Variants in ZNF423 observed in about 807,000 individuals in gnomAD.
The protein encoded by ZNF423 is zinc finger protein 423.
In ZNF423, 12 loss-of-function variants were observed where a neutral mutation model predicts 95.8. That is an observed-to-expected ratio of 0.13 (90% CI 0.08 to 0.20). The LOEUF (loss-of-function observed/expected upper bound fraction) is 0.20. ZNF423 is among the 10% of genes least tolerant of loss of function. The pLI, the probability that ZNF423 is intolerant of heterozygous loss-of-function variation, is 1.00. For missense variants in ZNF423, 1,316 were observed against 1,737.1 expected (o/e 0.76, Z 4.31); for synonymous variants, 749 against 711.9 (o/e 1.05, Z -0.83).
At chr16:49,816,324 G>A (rs1293583622) in intron 1 of ZNF423, among the ~76,000 whole-genome samples, 1 of 152,088 alleles carries the variant, frequency 6.6e-6, no homozygotes, top group Non-Finnish European at 1.5e-5. Context: ...TTTCAAAGCA[G>A]GTCCTGAGTA....
At chr16:49,624,374 A>C (rs2151862263) in intron 5 of ZNF423, among the ~76,000 whole-genome samples, 1 of 152,264 alleles carries the variant, frequency 6.6e-6, no homozygotes, top group South Asian at 2.1e-4. Context: ...AACATAGTGA[A>C]ACCCTGTCTC....
intron 4 of ZNF423, among the ~76,000 whole-genome samples, chr16:49,633,840 C>A (rs1417924320): frequency 1.3e-5 from 2 of 152,140 alleles, no homozygotes; most frequent in African/African-American, 4.8e-5. Context: ...CCACTCCAGA[C>A]AGGACTTTGA....
intron 4 of ZNF423, among the ~76,000 whole-genome samples, chr16:49,631,632 G>A (rs1394947749): frequency 1.3e-5 from 2 of 152,206 alleles, no homozygotes; most frequent in African/African-American, 4.8e-5. Context: ...CCCCGGGCAG[G>A]AAGAAAACAC....
chr16:49,764,320 G>A (rs1318187041), intron 2 of ZNF423: 1 of 152,626 alleles, frequency 6.6e-6, no homozygotes, highest in Non-Finnish European at 1.5e-5. Flanking sequence ...GCAACCCAGT[G>A]TCCATCAACA....
chr16:49,813,343 C>T (rs2034784341), intron 1 of ZNF423, among the ~76,000 whole-genome samples: 1 of 152,114 alleles, frequency 6.6e-6, no homozygotes. Flanking sequence ...GACAGGCCAC[C>T]AGGAGAGCAG....
intron 3 of ZNF423, among the ~76,000 whole-genome samples, chr16:49,720,076 C>G (rs1302002699): frequency 1.3e-5 from 2 of 152,278 alleles, no homozygotes; most frequent in Middle Eastern, 3.4e-3. Context: ...CACCATTACC[C>G]CACCTTCCAC....
At chr16:49,851,958 A>G (rs542898460) in intron 1 of ZNF423, among the ~76,000 whole-genome samples, 1 of 152,294 alleles carries the variant, frequency 6.6e-6, no homozygotes, top group South Asian at 2.1e-4. Flanking sequence ...AAGACCCTAT[A>G]AAGGATTTGT....
chr16:49,670,799 G>T (rs888008933), intron 3 of ZNF423, among the ~76,000 whole-genome samples: 1 of 152,182 alleles, frequency 6.6e-6, no homozygotes, highest in African/African-American at 2.4e-5. Context: ...CAACCCAATC[G>T]CAAAGATAAA....
At chr16:49,502,105 G>A (rs375979510) in intron 7 of ZNF423, among the ~76,000 whole-genome samples, 5 of 151,874 alleles carry the variant, frequency 3.3e-5, no homozygotes, top group East Asian at 1.9e-4. Flanking sequence ...GCAAGCCCAC[G>A]AAAACATATC....
intron 2 of ZNF423, among the ~76,000 whole-genome samples, chr16:49,775,410 T>C (rs1307772576): frequency 2.0e-5 from 3 of 152,174 alleles, no homozygotes; most frequent in African/African-American, 7.2e-5. Context: ...ATTAGTCTCT[T>C]CAACTATTAT....
At chr16:49,762,116 T>C (rs575190844) in intron 2 of ZNF423, among the ~76,000 whole-genome samples, 112 of 152,162 alleles carry the variant, frequency 7.4e-4, no homozygotes, top group African/African-American at 2.7e-3. Flanking sequence ...CCAGCCCAAA[T>C]CCATATTTAA....
intron 3 of ZNF423, among the ~76,000 whole-genome samples, chr16:49,661,196 C>T (rs1221807285): frequency 2.8e-5 from 4 of 142,916 alleles, no homozygotes; most frequent in South Asian, 2.2e-4. Flanking sequence ...CCAGCCCAGG[C>T]GACACAGTGA....
At chr16:49,580,677 T>C (rs1970641746) in intron 5 of ZNF423, among the ~76,000 whole-genome samples, 2 of 152,170 alleles carry the variant, frequency 1.3e-5, no homozygotes, top group Non-Finnish European at 2.9e-5. Context: ...CTGATCACAT[T>C]TGGATTCAGA....
intron 5 of ZNF423, among the ~76,000 whole-genome samples, chr16:49,613,286 A>G (rs552202032): frequency 1.3e-5 from 2 of 152,386 alleles, no homozygotes; most frequent in Admixed American, 1.3e-4. Context: ...CTATAGCTAT[A>G]GTAATCAAGA....
chr16:49,626,098 T>C (rs1596738193), intron 5 of ZNF423, 72 bp downstream of exon 5: 8 of 1,463,418 alleles, frequency 5.5e-6, no homozygotes, highest in Non-Finnish European at 7.7e-6. Flanking sequence ...GCCAGTAAAA[T>C]GATGATTGGA....
At chr16:49,838,873 G>A (rs1287701206) in intron 1 of ZNF423, among the ~76,000 whole-genome samples, 4 of 151,698 alleles carry the variant, frequency 2.6e-5, no homozygotes, top group South Asian at 2.1e-4. Context: ...CGCGCGGGGG[G>A]CGGCCCAGCG....
At chr16:49,760,335 G>T (rs2033806963) in intron 2 of ZNF423, among the ~76,000 whole-genome samples, 1 of 151,016 alleles carries the variant, frequency 6.6e-6, no homozygotes, top group Non-Finnish European at 1.5e-5. Context: ...GGGGTGGGTA[G>T]ATGTATGGAT....
chr16:49,700,488 G>A (rs2032142667), intron 3 of ZNF423, among the ~76,000 whole-genome samples: 1 of 152,184 alleles, frequency 6.6e-6, no homozygotes, highest in Admixed American at 6.5e-5. Flanking sequence ...GGGGCGGAGG[G>A]GCAGCTGGAA....
intron 2 of ZNF423, among the ~76,000 whole-genome samples, chr16:49,788,027 G>A (rs1008567268): frequency 6.6e-6 from 1 of 152,190 alleles, no homozygotes; most frequent in Non-Finnish European, 1.5e-5. Flanking sequence ...ACACACGGGG[G>A]GCTACACAGC....
Sources: gnomAD v4.1 joint callset for allele counts (sites outside exome capture counted in the v4.1 genomes callset) on GRCh38, gnomAD v4.1.1 for gene constraint, MANE v1.5 for transcripts, NCBI Gene and HGNC (gene_info 2026-07-23, HGNC 2026-07-21) for gene names.